NTM: variants seen among roughly 807,000 people sequenced by gnomAD.
NTM encodes the protein neurotrimin.
Under a neutral mutation model 42.1 loss-of-function variants are expected in NTM, and 13 were observed. The observed-to-expected ratio is 0.31, with a 90% CI of 0.20 to 0.49. The LOEUF (loss-of-function observed/expected upper bound fraction) is 0.49, where lower values mean the gene tolerates loss of function less well. Ranked by LOEUF, NTM falls within the 20% of genes least tolerant of loss-of-function variation. NTM has a pLI of 0.99. For synonymous variants in NTM, 187 were observed against 179.2 expected (o/e 1.04, Z -0.35); for missense variants, 373 against 452.8 (o/e 0.82, Z 1.60).
chr11:131,893,716 G>A (rs1277083581), intron 1 of NTM, among the ~76,000 whole-genome samples: 4 of 152,166 alleles, frequency 2.6e-5, no homozygotes, highest in African/African-American at 7.2e-5. Context: ...TAAAAAGTGA[G>A]GGCATCAAGG....
At chr11:131,485,601 A>C (rs1954093542) in intron 1 of NTM, among the ~76,000 whole-genome samples, 1 of 152,226 alleles carries the variant, frequency 6.6e-6, no homozygotes, top group South Asian at 2.1e-4. Flanking sequence ...TCATTCCAAA[A>C]AGAAATGAAG....
rs1016670218 is a variant in NTM at position 131,527,196 on chromosome 11, T to C, written c.82+156308T>C. 3.3e-5 allele frequency among the ~76,000 whole-genome samples: 5 copies of C among 152,242 alleles called. No homozygotes were observed. The East Asian group carries it at 9.6e-4, about 29-fold the overall frequency. ...TCTCGTCGTATGTGCTGGTTCTAAA[T>C]GGCTAAGGCTCCTGTCCTCATTCCC... On this transcript the variant is annotated intron_variant, in intron 1 of 8. Transcript: ENST00000683400.
intron 1 of NTM, among the ~76,000 whole-genome samples, chr11:131,811,407 C>T (rs2092724083): frequency 6.6e-6 from 1 of 152,148 alleles, no homozygotes; most frequent in Non-Finnish European, 1.5e-5. Flanking sequence ...TGTGCACATC[C>T]CACTGACCAC....
rs151038431 is a variant in NTM at position 131,747,593 on chromosome 11, AC to A, written c.83-163969del. ...GTGGTGTAAATAAAATGCAAAATAA[AC>A]CATGTTGCTTCTAAATGTCAAACAG... On this transcript the variant is annotated intron_variant, in intron 1 of 8. Transcript: ENST00000683400. Among the ~76,000 whole-genome samples the A allele has an allele frequency of 6.4e-3, 971 of 152,202 alleles. 12 individuals carry two copies. The highest frequency in any genetic ancestry group is 0.022 in the African/African-American group (900 of 41,518).
At chr11:131,672,902 ACGGTGCCG>A (rs1485437711) in intron 1 of NTM, among the ~76,000 whole-genome samples, 34 of 50,516 alleles carry the variant, frequency 6.7e-4, no homozygotes, top group African/African-American at 3.2e-3. Context: ...AGAGAAGACC[ACGGTGCCG>A]GGGTGGGGGT....
chr11:132,039,807 C>T (rs1167195962), intron 2 of NTM, among the ~76,000 whole-genome samples: 2 of 150,414 alleles, frequency 1.3e-5, no homozygotes, highest in Non-Finnish European at 3.0e-5. Flanking sequence ...GACTTACTTT[C>T]TCTCTCTGCG....
chr11:132,119,568 G>A (rs115177288), intron 2 of NTM, among the ~76,000 whole-genome samples: 1,746 of 152,356 alleles, frequency 0.011, 35 homozygotes, highest in African/African-American at 0.04. Context: ...CGTTCAATCA[G>A]GACGGGAAGC....
chr11:131,750,907 C>T (rs4508211), intron 1 of NTM, among the ~76,000 whole-genome samples: 30,392 of 152,058 alleles, frequency 0.2, 4,511 homozygotes, highest in African/African-American at 0.42. Context: ...CAGGCCTCCT[C>T]CCCTGCCTCG....
chr11:132,052,690 C>T (rs2079023554), intron 2 of NTM, among the ~76,000 whole-genome samples: 1 of 151,874 alleles, frequency 6.6e-6, no homozygotes, highest in Non-Finnish European at 1.5e-5. Flanking sequence ...TTGGGGATTC[C>T]CTCATTCTCC....
At chr11:132,070,847 C>A (rs1370147704) in intron 2 of NTM, among the ~76,000 whole-genome samples, 29 of 120,806 alleles carry the variant, frequency 2.4e-4, no homozygotes, top group Middle Eastern at 6.0e-3. Flanking sequence ...TAACACGTCA[C>A]ACTGACCATC....
chr11:131,785,197 G>T (rs1302347596), intron 1 of NTM, among the ~76,000 whole-genome samples: 1 of 152,152 alleles, frequency 6.6e-6, no homozygotes. Flanking sequence ...ACAGCTTCTG[G>T]CCTTGTAACA....
chr11:132,112,304 C>T (rs1251487174), intron 2 of NTM, among the ~76,000 whole-genome samples: 1 of 152,148 alleles, frequency 6.6e-6, no homozygotes, highest in Non-Finnish European at 1.5e-5. Flanking sequence ...TTTTATTCAG[C>T]CTAGTTCTCT....
At chr11:132,119,868 A>T (rs1414934873) in intron 2 of NTM, among the ~76,000 whole-genome samples, 1 of 152,268 alleles carries the variant, frequency 6.6e-6, no homozygotes. Flanking sequence ...CCGAGTCCCC[A>T]TCAAGGGCTA....
chr11:131,418,830 A>G (rs1947212594), intron 1 of NTM, among the ~76,000 whole-genome samples: 1 of 152,204 alleles, frequency 6.6e-6, no homozygotes, highest in South Asian at 2.1e-4. Flanking sequence ...TTTGTGTATC[A>G]TATGTATGCA....
At chr11:132,203,746 A>C (rs899267762) in intron 3 of NTM, among the ~76,000 whole-genome samples, 2 of 152,110 alleles carry the variant, frequency 1.3e-5, no homozygotes, top group Non-Finnish European at 2.9e-5. Flanking sequence ...CACACACACA[A>C]AAATTAGCTG....
At chr11:131,389,038 A>AGAAAAGAAAG (rs1943687396) in intron 1 of NTM, among the ~76,000 whole-genome samples, 1 of 151,334 alleles carries the variant, frequency 6.6e-6, no homozygotes, top group Admixed American at 6.6e-5. Flanking sequence ...AGAAAAGAAA[A>AGAAAAGAAAG]GAAAAGAAAA....
At chr11:132,275,433 T>A (rs73597257) in intron 4 of NTM, among the ~76,000 whole-genome samples, 1,930 of 152,156 alleles carry the variant, frequency 0.013, 45 homozygotes, top group African/African-American at 0.044. Context: ...TGTTGATTAT[T>A]GTAACTTTCT....
chr11:131,436,998 G>A (rs1213428272), intron 1 of NTM, among the ~76,000 whole-genome samples: 2 of 152,054 alleles, frequency 1.3e-5, no homozygotes, highest in African/African-American at 4.8e-5. Context: ...TGTTCTCATT[G>A]GTTTCAAATA....
intron 1 of NTM, among the ~76,000 whole-genome samples, chr11:131,785,213 G>A (rs2088927301): frequency 6.6e-6 from 1 of 152,306 alleles, no homozygotes; most frequent in Middle Eastern, 3.4e-3. Context: ...TAACATATCT[G>A]GGTGTGGGCA....
Sources: gnomAD v4.1 joint callset for allele counts (sites outside exome capture counted in the v4.1 genomes callset) on GRCh38, gnomAD v4.1.1 for gene constraint, MANE v1.5 for transcripts, NCBI Gene and HGNC (gene_info 2026-07-23, HGNC 2026-07-21) for gene names.